TEX26: variants seen among roughly 807,000 people sequenced by gnomAD.
TEX26 encodes the protein testis-expressed protein 26.
Under a neutral mutation model 35.3 loss-of-function variants are expected in TEX26, and 34 were observed. The ratio of observed to expected loss-of-function variants is 0.96; its 90% CI spans 0.73 to 1.28. The LOEUF is 1.28. Ranked by LOEUF, TEX26 falls within the 50% of genes most tolerant of loss-of-function variation. The pLI, the probability that TEX26 is intolerant of heterozygous loss-of-function variation, is 0.00. For missense variants in TEX26, 371 were observed against 330.1 expected, an observed-to-expected ratio of 1.12 and a Z score of -0.96; for synonymous variants, 136 against 111.8, an observed-to-expected ratio of 1.22 and a Z score of -1.36.
intron 2 of TEX26, among the ~76,000 whole-genome samples, chr13:30,944,273 C>T (rs1376643198): frequency 6.6e-6 from 1 of 151,814 alleles, no homozygotes. Context: ...CTTGAATGAT[C>T]TTTCATAATT....
chr13:30,956,237 T>C (rs1954123776), intron 3 of TEX26, among the ~76,000 whole-genome samples: 1 of 143,090 alleles, frequency 7.0e-6, no homozygotes. Flanking sequence ...CATTGTTCAA[T>C]TCCCACCTAT....
At chr13:30,939,878 T>C (rs534750013) in intron 2 of TEX26, 100 bp downstream of exon 2, 1 of 1,084,048 alleles carries the variant, frequency 9.2e-7, no homozygotes, top group East Asian at 2.6e-5. Context: ...TTAGAGAAGC[T>C]TCGTAAAAAT....
chr13:30,943,289 C>A (rs1315436453), intron 2 of TEX26, among the ~76,000 whole-genome samples: 2 of 151,990 alleles, frequency 1.3e-5, no homozygotes, highest in African/African-American at 4.8e-5. Context: ...TGATTTGATT[C>A]TCAGCTTGGT....
Position 30,975,008 on chromosome 13 carries a change from T to C in TEX26, c.*101T>C. ...TTATCAAGGAAAAATAAGATGCAAA[T>C]AGCTTCAAGTATGATGTGATAGTCA... is the stretch of plus-strand genomic sequence containing the variant. On this transcript the variant is annotated 3_prime_UTR_variant, in exon 7 of 7. Coordinates refer to ENST00000380473, the MANE Select transcript of TEX26 (RefSeq NM_152325.3). 1 of 747,070 alleles carries C rather than the reference T, an allele frequency of 1.3e-6. No individual in the cohort carries two copies. The highest frequency in any genetic ancestry group is 3.0e-5 in the East Asian group (1 of 32,888). 46.3% of individuals were successfully genotyped at this position (747,070 alleles called of 1,614,324 possible).
chr13:30,945,779 GT>G (rs1953685877), intron 2 of TEX26, among the ~76,000 whole-genome samples: 1 of 151,774 alleles, frequency 6.6e-6, no homozygotes. Flanking sequence ...ATCCCTTCTG[GT>G]TTGTAAGGTT....
chr13:30,954,384 A>T (rs1345146222), intron 3 of TEX26, among the ~76,000 whole-genome samples: 1 of 148,044 alleles, frequency 6.8e-6, no homozygotes, highest in Non-Finnish European at 1.5e-5. Flanking sequence ...AAATATATAT[A>T]TCTAAATTAT....
chr13:30,965,274 G>C (rs962090792), intron 4 of TEX26, among the ~76,000 whole-genome samples: 1 of 152,176 alleles, frequency 6.6e-6, no homozygotes, highest in Non-Finnish European at 1.5e-5. Flanking sequence ...GGTGCCAGTA[G>C]ATGCAATTAT....
intron 2 of TEX26, among the ~76,000 whole-genome samples, chr13:30,943,213 C>T (rs537647476): frequency 1.3e-5 from 2 of 152,168 alleles, no homozygotes; most frequent in South Asian, 4.1e-4. Flanking sequence ...ATTTCACCTC[C>T]TCCTTGGTTA....
Position 30,966,066 on chromosome 13 carries a change from G to C in TEX26, c.470-156G>C, listed in dbSNP as rs146250922. On this transcript the variant is annotated intron_variant, in intron 4 of 6. Transcript: ENST00000380473. Reference sequence around the variant, plus strand: ...CTAGAGACCACTTCTGATCATTTGAGTATATACTTCCTGTGACTGACAAAG... The same window carrying C: ...CTAGAGACCACTTCTGATCATTTGACTATATACTTCCTGTGACTGACAAAG... 2.2e-3 allele frequency among the ~76,000 whole-genome samples: 338 copies of C among 152,256 alleles called. 2 individuals carry two copies. Among genetic ancestry groups the C allele is most frequent in the African/African-American group, 7.7e-3 (320 of 41,554 alleles).
At chr13:30,940,322 C>CCTTTTTTT (rs1953433108) in intron 2 of TEX26, among the ~76,000 whole-genome samples, 1 of 52,044 alleles carries the variant, frequency 1.9e-5, no homozygotes, top group Non-Finnish European at 3.4e-5. Context: ...CATCAGCTGC[C>CCTTTTTTT]TTTTTTTTTT....
intron 1 of TEX26, among the ~76,000 whole-genome samples, chr13:30,934,534 G>T (rs1953194596): frequency 6.6e-6 from 1 of 152,216 alleles, no homozygotes; most frequent in Non-Finnish European, 1.5e-5. Flanking sequence ...CTGAAATCAA[G>T]GTCTGGACAA....
At chr13:30,933,666 T>C (rs915658793) in intron 1 of TEX26, 2 of 104,848 alleles carry the variant, frequency 1.9e-5, no homozygotes, top group Admixed American at 8.3e-5. Context: ...AAAATGAAAA[T>C]ACTTAATTAG....
chr13:30,953,025 A>G (rs1953990162), intron 3 of TEX26, among the ~76,000 whole-genome samples, 200 bp downstream of exon 3: 1 of 152,118 alleles, frequency 6.6e-6, no homozygotes, highest in African/African-American at 2.4e-5. Flanking sequence ...TTTTTTTTAA[A>G]AAAGGACTTT....
intron 3 of TEX26, among the ~76,000 whole-genome samples, chr13:30,953,884 C>A (rs1259035831): frequency 6.6e-6 from 1 of 152,114 alleles, no homozygotes; most frequent in Non-Finnish European, 1.5e-5. Flanking sequence ...TTGATGCATT[C>A]AATAGATGAT....
At chr13:30,951,486 C>T (rs1953919684) in intron 2 of TEX26, among the ~76,000 whole-genome samples, 1 of 151,986 alleles carries the variant, frequency 6.6e-6, no homozygotes, top group East Asian at 1.9e-4. Flanking sequence ...TTGCTTCTTA[C>T]AGAGATAATC....
chr13:30,968,887 C>T lies in TEX26; in HGVS notation c.649C>T (p.Pro217Ser), dbSNP rs757702776. ...TCCTCCCCTGTGTATTTCTATAGTGCCTTCTGTGCTGCACAGCTACCTGAG... is the reference window on the plus strand; with the variant it reads ...TCCTCCCCTGTGTATTTCTATAGTGTCTTCTGTGCTGCACAGCTACCTGAG... ...SLPVASQGLVPSVLHSYLRNQ... is the reference protein window; with the variant it reads ...SLPVASQGLVSSVLHSYLRNQ... Residue 217 changes from proline (P) to serine (S), a missense_variant and splice_region_variant, in exon 6 of 7, where the codon CCT becomes TCT. Coordinates refer to ENST00000380473, the MANE Select transcript of TEX26 (RefSeq NM_152325.3). The T allele has an allele frequency of 1.2e-5, 20 of 1,612,850 alleles. 1 individual carries two copies. In the East Asian group the frequency reaches 4.2e-4, roughly 34 times the overall value.
intron 6 of TEX26, among the ~76,000 whole-genome samples, chr13:30,971,771 T>TCAA (rs2138354433): frequency 6.6e-6 from 1 of 152,294 alleles, no homozygotes; most frequent in African/African-American, 2.4e-5. Context: ...AAAAGCTTAC[T>TCAA]CATTGGGCAA....
intron 2 of TEX26, among the ~76,000 whole-genome samples, chr13:30,950,588 G>C (rs527329620): frequency 6.6e-6 from 1 of 152,286 alleles, no homozygotes; most frequent in East Asian, 1.9e-4. Context: ...TCCCTAAAAA[G>C]AGGTGAACAT....
At chr13:30,948,130 A>C (rs1566147918) in intron 2 of TEX26, among the ~76,000 whole-genome samples, 1 of 152,130 alleles carries the variant, frequency 6.6e-6, no homozygotes, top group African/African-American at 2.4e-5. Flanking sequence ...TTCTTAATCC[A>C]GTCTATCATT....
Sources: gnomAD v4.1 joint callset for allele counts (sites outside exome capture counted in the v4.1 genomes callset) on GRCh38, gnomAD v4.1.1 for gene constraint, MANE v1.5 for transcripts, NCBI Gene and HGNC (gene_info 2026-07-23, HGNC 2026-07-21) for gene names.